APBB2: variants seen among roughly 807,000 people sequenced by gnomAD.
The protein encoded by APBB2 is Fe65-like 1.
APBB2 carries 38 observed loss-of-function variants against 82.5 expected under a neutral mutation model. That is an observed-to-expected ratio of 0.46 (90% CI 0.36 to 0.60). The LOEUF (loss-of-function observed/expected upper bound fraction) is 0.60, where lower values mean the gene tolerates loss of function less well. APBB2 is among the 20% of genes least tolerant of loss of function. The probability of loss-of-function intolerance (pLI) is 0.00; values close to 1 mark genes in which losing one functional copy is unlikely to be tolerated. For synonymous variants in APBB2, 341 were observed against 368.2 expected, an observed-to-expected ratio of 0.93 and a Z score of 0.85; for missense variants, 772 against 972.3, an observed-to-expected ratio of 0.79 and a Z score of 2.74.
At chr4:41,202,044 C>T (rs1776824278) in intron 1 of APBB2, among the ~76,000 whole-genome samples, 1 of 152,196 alleles carries the variant, frequency 6.6e-6, no homozygotes, top group Non-Finnish European at 1.5e-5. Context: ...AACATGCCCC[C>T]AGGAGCTTCA....
At chr4:40,990,712 T>C (rs1454308740) in intron 6 of APBB2, among the ~76,000 whole-genome samples, 1 of 152,194 alleles carries the variant, frequency 6.6e-6, no homozygotes, top group Non-Finnish European at 1.5e-5. Flanking sequence ...TGTGTCCATA[T>C]GAGCAAAGTA....
rs1787967123 is a variant in APBB2, at chr4:40,944,939, T to C, written c.970A>G (p.Ile324Val). ...GTTQWERPVS[I>V]PADLQGSRKG... ...CTAGAACCCTGGAGATCTGCTGGGATGGAGACGGGCCGTTCCCACTGAGTC... is the reference window on the plus strand; with the variant it reads ...CTAGAACCCTGGAGATCTGCTGGGACGGAGACGGGCCGTTCCCACTGAGTC... Residue 324 changes from isoleucine to valine, a missense_variant, in exon 7 of 18, where the codon ATC (isoleucine) becomes GTC (valine). Physicochemically the swap from Ile to Val is conservative, Grantham distance 29 (BLOSUM62 3). Coordinates refer to ENST00000508593, the MANE Select transcript of APBB2 (RefSeq NM_004307.2). 3.7e-6 allele frequency: 6 copies of C among 1,613,910 alleles called. No homozygotes were observed. The highest frequency in any genetic ancestry group is 5.1e-6 in the Non-Finnish European group (6 of 1,180,026).
intron 4 of APBB2, among the ~76,000 whole-genome samples, chr4:41,034,552 T>A (rs992221813): frequency 6.6e-6 from 1 of 152,240 alleles, no homozygotes; most frequent in Admixed American, 6.5e-5. Context: ...CTTGAACTCC[T>A]GACCTCAAGT....
intron 3 of APBB2, among the ~76,000 whole-genome samples, chr4:41,076,410 C>A (rs1327324777): frequency 6.6e-6 from 1 of 152,144 alleles, no homozygotes; most frequent in Non-Finnish European, 1.5e-5. Context: ...AGAAGATCTG[C>A]ACTCGGGGAC....
intron 1 of APBB2, among the ~76,000 whole-genome samples, chr4:41,196,113 C>G: frequency 6.6e-6 from 1 of 151,826 alleles, no homozygotes; most frequent in East Asian, 1.9e-4. Flanking sequence ...GAGCCAAGAT[C>G]CCGCCACTGC....
intron 6 of APBB2, among the ~76,000 whole-genome samples, chr4:41,010,717 A>T (rs781552155): frequency 6.6e-6 from 1 of 152,248 alleles, no homozygotes; most frequent in Non-Finnish European, 1.5e-5. Context: ...GGAATAGTAT[A>T]CATAATACTT....
chr4:40,837,275 G>A (rs968570704), intron 12 of APBB2, among the ~76,000 whole-genome samples: 9 of 152,192 alleles, frequency 5.9e-5, no homozygotes, highest in Non-Finnish European at 1.2e-4. Context: ...CATGGGACAC[G>A]GGGGCTGGCT....
At chr4:41,042,229 T>C (rs1001909433) in intron 4 of APBB2, among the ~76,000 whole-genome samples, 8 of 152,198 alleles carry the variant, frequency 5.3e-5, no homozygotes, top group African/African-American at 1.9e-4. Flanking sequence ...GATCTCATGA[T>C]CTGCCTGCCT....
chr4:41,049,437 C>A (rs1352085385), intron 4 of APBB2, among the ~76,000 whole-genome samples: 4 of 151,126 alleles, frequency 2.6e-5, no homozygotes, highest in Non-Finnish European at 5.9e-5. Context: ...CCCCGCCCGG[C>A]CAGCCAACCC....
Position 41,141,872 on chromosome 4 carries a change from A to G in APBB2, c.-261+1115T>C, listed in dbSNP as rs564312694. On this transcript the variant is annotated intron_variant, in intron 2 of 17. Coordinates refer to ENST00000508593, the MANE Select transcript of APBB2 (RefSeq NM_004307.2). ...AGGAAAACCCCACCCCCATAATTCA[A>G]TCACCTCCCACCAGGATCCTCCCAT... Among the ~76,000 whole-genome samples the G allele has an allele frequency of 4.6e-5, 7 of 152,256 alleles. 1 individual carries two copies. In the South Asian group the frequency reaches 1.2e-3, roughly 27 times the overall value.
chr4:41,068,980 G>C (rs1732910631), intron 3 of APBB2, among the ~76,000 whole-genome samples: 1 of 151,904 alleles, frequency 6.6e-6, no homozygotes. Context: ...ATTTTTAGTA[G>C]AGATGGGGTT....
intron 3 of APBB2, among the ~76,000 whole-genome samples, chr4:41,082,387 A>G (rs140131926): frequency 0.011 from 1,729 of 152,252 alleles, 14 homozygotes; most frequent in South Asian, 0.019. Context: ...TTGATTCCTT[A>G]GCTCTTGGAA....
chr4:41,056,741 T>C (rs1157640830), intron 4 of APBB2, among the ~76,000 whole-genome samples: 1 of 152,166 alleles, frequency 6.6e-6, no homozygotes, highest in Non-Finnish European at 1.5e-5. Context: ...AAGGGAAGCG[T>C]CTTTATAAAC....
intron 6 of APBB2, among the ~76,000 whole-genome samples, chr4:40,953,779 T>A (rs1445843557): frequency 6.6e-6 from 1 of 152,216 alleles, no homozygotes; most frequent in Non-Finnish European, 1.5e-5. Flanking sequence ...GAAGGCACTG[T>A]CACCTGCTGA....
At chr4:40,852,416 A>C (rs1759781087) in intron 12 of APBB2, among the ~76,000 whole-genome samples, 1 of 152,040 alleles carries the variant, frequency 6.6e-6, no homozygotes, top group Non-Finnish European at 1.5e-5. Flanking sequence ...AAGGTAGAAT[A>C]ATTCCATATA....
chr4:40,928,602 G>T (rs1285889826), intron 10 of APBB2, among the ~76,000 whole-genome samples: 2 of 149,644 alleles, frequency 1.3e-5, no homozygotes. Context: ...TAAAAAAAAT[G>T]TGGCCAGGTG....
At chr4:40,892,495 G>C (rs1167336623) in intron 11 of APBB2, 3 of 152,220 alleles carry the variant, frequency 2.0e-5, no homozygotes, top group Non-Finnish European at 4.4e-5. Flanking sequence ...AATGTGAGTG[G>C]AGTCCCAATC....
At chr4:41,049,419 G>A (rs1724986699) in intron 4 of APBB2, among the ~76,000 whole-genome samples, 1 of 149,824 alleles carries the variant, frequency 6.7e-6, no homozygotes, top group African/African-American at 2.4e-5. Flanking sequence ...GAAGGAGATG[G>A]GGGACAGCCC....
intron 10 of APBB2, among the ~76,000 whole-genome samples, chr4:40,931,980 C>T (rs1294262186): frequency 6.6e-6 from 1 of 152,096 alleles, no homozygotes; most frequent in East Asian, 1.9e-4. Context: ...TCATAACAGG[C>T]ATTGAAATAG....
Sources: allele counts gnomAD v4.1 joint callset (sites outside exome capture counted in the v4.1 genomes callset), GRCh38; gene constraint gnomAD v4.1.1; transcripts MANE v1.5; gene names NCBI Gene and HGNC (gene_info 2026-07-23, HGNC 2026-07-21).